The following ST6GAL2 variants were observed in gnomAD, a reference collection of about 807,000 sequenced individuals.
The protein encoded by ST6GAL2 is beta-galactoside alpha-2,6-sialyltransferase 2.
ST6GAL2 carries 24 observed loss-of-function variants against 37.5 expected under a neutral mutation model. That is an observed-to-expected ratio of 0.64 (90% CI 0.46 to 0.90). The LOEUF (loss-of-function observed/expected upper bound fraction) is 0.90. ST6GAL2 is among the 40% of genes least tolerant of loss of function. The pLI is 0.00. For missense variants in ST6GAL2, 715 were observed against 712.7 expected (o/e 1.00, Z -0.04); for synonymous variants, 306 against 295.1 (o/e 1.04, Z -0.38).
intron 1 of ST6GAL2, among the ~76,000 whole-genome samples, chr2:106,869,982 A>G (rs1678196585): frequency 6.6e-6 from 1 of 152,106 alleles, no homozygotes; most frequent in Non-Finnish European, 1.5e-5. Flanking sequence ...GCCACTTTCC[A>G]CTTCAGTGGT....
At chr2:106,860,435 CT>C (rs1315251379) in intron 1 of ST6GAL2, among the ~76,000 whole-genome samples, 1 of 152,100 alleles carries the variant, frequency 6.6e-6, no homozygotes, top group Non-Finnish European at 1.5e-5. Flanking sequence ...CTGGGAAGGT[CT>C]TTTGCAGGCA....
chr2:106,843,025 T>A lies in ST6GAL2; in HGVS notation c.943+10A>T. The A allele has an allele frequency of 7.2e-7, 1 of 1,392,120 alleles. No individual in the cohort carries two copies. The highest frequency in any genetic ancestry group is 9.3e-7 in the Non-Finnish European group (1 of 1,069,950). 86.2% of individuals were successfully genotyped at this position (1,392,120 alleles called of 1,614,324 possible). On this transcript the variant is annotated intron_variant, in intron 2 of 5. Coordinates refer to ENST00000409382, the MANE Select transcript of ST6GAL2 (RefSeq NM_001142351.2). ...AGACAGGGCGACCTGGTCCCCCCGCTGAGACCTACCTATTTCCTCGCCCAA... is the reference window on the plus strand; with the variant it reads ...AGACAGGGCGACCTGGTCCCCCCGCAGAGACCTACCTATTTCCTCGCCCAA...
chr2:106,862,276 T>C (rs1007762138), intron 1 of ST6GAL2, among the ~76,000 whole-genome samples: 2 of 152,336 alleles, frequency 1.3e-5, no homozygotes, highest in South Asian at 4.1e-4. Flanking sequence ...AAGATTTAAA[T>C]AAAGGCTTTT....
intron 1 of ST6GAL2, among the ~76,000 whole-genome samples, chr2:106,851,856 G>C (rs1677378015): frequency 6.6e-6 from 1 of 151,966 alleles, no homozygotes; most frequent in African/African-American, 2.4e-5. Context: ...TGTGAGCTGT[G>C]GTGAGATACT....
chr2:106,836,403 G>C (rs572569967), intron 2 of ST6GAL2, among the ~76,000 whole-genome samples: 1 of 152,030 alleles, frequency 6.6e-6, no homozygotes, highest in Admixed American at 6.5e-5. Flanking sequence ...AGTTTCTTAG[G>C]GTTGGTTACA....
At chr2:106,873,255 C>A (rs1332843051) in intron 1 of ST6GAL2, among the ~76,000 whole-genome samples, 1 of 152,124 alleles carries the variant, frequency 6.6e-6, no homozygotes, top group Non-Finnish European at 1.5e-5. Context: ...GCTTCCTGGG[C>A]TTTAAGCTAA....
chr2:106,871,940 CTTTATTG>C (rs2104619623), intron 1 of ST6GAL2, among the ~76,000 whole-genome samples: 1 of 152,340 alleles, frequency 6.6e-6, no homozygotes, highest in East Asian at 1.9e-4. Flanking sequence ...ATTACCATTA[CTTTATTG>C]TTTATAATCA....
chr2:106,809,738 A>C (rs971985962), intron 5 of ST6GAL2, among the ~76,000 whole-genome samples: 1 of 152,238 alleles, frequency 6.6e-6, no homozygotes, highest in South Asian at 2.1e-4. Context: ...CCAGTTAGAG[A>C]AAAGTTCCAA....
In ST6GAL2 at chr2:106,843,081, G is replaced by T; in HGVS notation, c.897C>A (p.Val299=). 6.7e-7 allele frequency: 1 copy of T among 1,500,646 alleles called. No homozygotes were observed. Among genetic ancestry groups the T allele is most frequent in the Non-Finnish European group, 8.9e-7 (1 of 1,128,952 alleles). 93.0% of individuals were successfully genotyped at this position (1,500,646 alleles called of 1,614,324 possible). A position where few individuals can be genotyped will look rare whatever the true frequency, so the allele number is the denominator to read the frequency against. Residue 299 remains valine, a synonymous_variant, in exon 2 of 6, where the codon GTC becomes GTA. Transcript: ENST00000409382. ...AGTTGAGGATTGCGCCTGCAGACAT[G>T]ACGACAGCGCAGCTGCGCAGGCCGC... ...HPRGLRSCAV[V]MSAGAILNSS...
At chr2:106,833,069 C>A (rs989472484) in intron 3 of ST6GAL2, among the ~76,000 whole-genome samples, 3 of 152,150 alleles carry the variant, frequency 2.0e-5, no homozygotes, top group African/African-American at 7.2e-5. Context: ...CAGCCACAGC[C>A]TTCCCTCTGT....
intron 1 of ST6GAL2, among the ~76,000 whole-genome samples, chr2:106,855,789 T>G (rs1677551379): frequency 6.6e-6 from 1 of 152,258 alleles, no homozygotes; most frequent in South Asian, 2.1e-4. Context: ...ATCATTTATA[T>G]TTACATCTCT....
At chr2:106,862,922 T>C (rs1034411376) in intron 1 of ST6GAL2, among the ~76,000 whole-genome samples, 1 of 152,174 alleles carries the variant, frequency 6.6e-6, no homozygotes, top group African/African-American at 2.4e-5. Flanking sequence ...GTTTCTATTT[T>C]TCCCAACCTA....
chr2:106,815,338 A>G (rs1675760973), intron 5 of ST6GAL2, among the ~76,000 whole-genome samples: 1 of 152,240 alleles, frequency 6.6e-6, no homozygotes, highest in African/African-American at 2.4e-5. Flanking sequence ...CTTACTGCAC[A>G]TAATTTGTAT....
In ST6GAL2 at chr2:106,806,505, A is replaced by G. The variant is rs1675418199; in HGVS notation, c.*173T>C. 1.4e-6 allele frequency: 1 copy of G among 726,852 alleles called. No individual in the cohort carries two copies. Among genetic ancestry groups the G allele is most frequent in the African/African-American group, 1.8e-5 (1 of 56,912 alleles). 45.0% of individuals were successfully genotyped at this position (726,852 alleles called of 1,614,324 possible). A position where few individuals can be genotyped will look rare whatever the true frequency, so the allele number is the denominator to read the frequency against. On this transcript the variant is annotated 3_prime_UTR_variant, in exon 6 of 6. Transcript: ENST00000409382. The stretch of plus-strand genomic sequence containing the variant: ...TTTAAAAAAACCATTTCTATGTTCA[A>G]AGCAGTAATACATACTCAATGGCTT...
chr2:106,845,142 T>C (rs1237996858), intron 1 of ST6GAL2, among the ~76,000 whole-genome samples: 1 of 152,178 alleles, frequency 6.6e-6, no homozygotes, highest in Non-Finnish European at 1.5e-5. Flanking sequence ...GTGTGCGTTT[T>C]GCAGAGGGCC....
chr2:106,866,354 G>C (rs1294126447), intron 1 of ST6GAL2, among the ~76,000 whole-genome samples: 1 of 152,342 alleles, frequency 6.6e-6, no homozygotes, highest in South Asian at 2.1e-4. Flanking sequence ...CCTGAAGTCA[G>C]ATGGGAGAGA....
rs1399897848 is a variant in ST6GAL2 at position 106,805,898 on chromosome 2, C to G, written c.*780G>C. On this transcript the variant is annotated 3_prime_UTR_variant, in exon 6 of 6. Transcript: ENST00000409382. Reference sequence around the variant, plus strand: ...GGAGTGTCCAGGGGCACCTGCAGCCCTGTGATTCTATGTTACTTGCCAGTG... The same window carrying G: ...GGAGTGTCCAGGGGCACCTGCAGCCGTGTGATTCTATGTTACTTGCCAGTG... The G allele has an allele frequency of 1.3e-5, 2 of 152,272 alleles. No homozygotes were observed. Among genetic ancestry groups the G allele is most frequent in the Non-Finnish European group, 2.9e-5 (2 of 68,108 alleles). 9.4% of individuals were successfully genotyped at this position (152,272 alleles called of 1,614,324 possible).
intron 2 of ST6GAL2, among the ~76,000 whole-genome samples, chr2:106,836,954 A>AAAAAAAG (rs1676672453): frequency 6.6e-6 from 1 of 150,758 alleles, no homozygotes; most frequent in African/African-American, 2.4e-5. Flanking sequence ...CAAAAAAAAA[A>AAAAAAAG]AAAAAAAAGA....
At chr2:106,886,323 T>A (rs1678992314), upstream of ST6GAL2, 2 of 151,988 alleles carry the variant, frequency 1.3e-5, no homozygotes, top group Non-Finnish European at 2.9e-5. Context: ...AGAAGGCGAG[T>A]GCGCGGCGGG....
Sources: gnomAD v4.1 joint callset for allele counts (sites outside exome capture counted in the v4.1 genomes callset) on GRCh38, gnomAD v4.1.1 for gene constraint, MANE v1.5 for transcripts, NCBI Gene and HGNC (gene_info 2026-07-23, HGNC 2026-07-21) for gene names.